Variants in PIGL observed in about 807,000 individuals in gnomAD.
PIGL encodes the protein N-acetylglucosaminyl-phosphatidylinositol de-N-acetylase.
In PIGL, 22 loss-of-function variants were observed where a neutral mutation model predicts 31.1. The observed-to-expected ratio is 0.71, with a 90% CI of 0.51 to 1.01. The LOEUF is 1.01. PIGL is among the 50% of genes least tolerant of loss of function. PIGL has a pLI of 0.00. For synonymous variants in PIGL, 131 were observed against 117.4 expected, an observed-to-expected ratio of 1.12 and a Z score of -0.75; for missense variants, 302 against 315.9, an observed-to-expected ratio of 0.96 and a Z score of 0.33.
chr17:16,262,278 C>A (rs1238415112), intron 2 of PIGL, among the ~76,000 whole-genome samples: 1 of 152,176 alleles, frequency 6.6e-6, no homozygotes, highest in African/African-American at 2.4e-5. Flanking sequence ...GTAGGCATTT[C>A]TCCAAAGAAG....
rs563825518 is a variant in PIGL, at chr17:16,286,290, G to T, written c.336-13598G>T. 4.6e-5 allele frequency among the ~76,000 whole-genome samples: 7 copies of T among 152,374 alleles called. No homozygotes were observed. In the East Asian group the frequency reaches 1.3e-3, roughly 29 times the overall value. The stretch of plus-strand genomic sequence containing the variant: ...CAACCCTGCTTGAGTTCCAGCAGCG[G>T]AGGCTGCGAAGTCTCCTGCTCTGAG... On this transcript the variant is annotated intron_variant, in intron 2 of 6. Transcript: ENST00000225609.
At chr17:16,316,053 G>A (rs1236096550) in intron 4 of PIGL, among the ~76,000 whole-genome samples, 2 of 152,020 alleles carry the variant, frequency 1.3e-5, no homozygotes, top group African/African-American at 2.4e-5. Flanking sequence ...CCATGAATTT[G>A]TCAATTGTCT....
intron 2 of PIGL, among the ~76,000 whole-genome samples, chr17:16,270,817 C>T (rs1272082103): frequency 1.3e-5 from 2 of 151,676 alleles, no homozygotes; most frequent in East Asian, 3.9e-4. Context: ...CACTTGAACC[C>T]GGGAGGCAGA....
At chr17:16,266,622 G>A (rs2142760106) in intron 2 of PIGL, among the ~76,000 whole-genome samples, 1 of 151,576 alleles carries the variant, frequency 6.6e-6, no homozygotes, top group East Asian at 2.0e-4. Flanking sequence ...CTAGACGGGA[G>A]TCTCGCTCTG....
rs1025151287 is a variant in PIGL, at chr17:16,326,032, C to A, written c.*134C>A. 8 of 649,400 alleles carry A rather than the reference C, an allele frequency of 1.2e-5. No individual in the cohort carries two copies. In the East Asian group the frequency reaches 2.2e-4, roughly 18 times the overall value. 40.2% of individuals were successfully genotyped at this position (649,400 alleles called of 1,614,324 possible). ...CTGGAGCAGCCTCTGCAAAAGGGAG[C>A]CCATGTAGGCCAGGGGCTGTCCAAA... On this transcript the variant is annotated 3_prime_UTR_variant, in exon 7 of 7. Transcript: ENST00000225609.
At chr17:16,291,126 T>C (rs2142817397) in intron 2 of PIGL, among the ~76,000 whole-genome samples, 1 of 152,354 alleles carries the variant, frequency 6.6e-6, no homozygotes, top group Admixed American at 6.5e-5. Flanking sequence ...TGCATTCTTT[T>C]ATATTCTCAG....
At chr17:16,280,061 A>C (rs1409513790) in intron 2 of PIGL, among the ~76,000 whole-genome samples, 1 of 152,246 alleles carries the variant, frequency 6.6e-6, no homozygotes, top group Non-Finnish European at 1.5e-5. Flanking sequence ...AAGCCCAGGC[A>C]CATGGACATG....
chr17:16,276,975 A>G (rs904428189), intron 2 of PIGL, among the ~76,000 whole-genome samples: 1 of 152,204 alleles, frequency 6.6e-6, no homozygotes, highest in African/African-American at 2.4e-5. Context: ...AATCTCAGAT[A>G]AGACTTTTTT....
intron 6 of PIGL, among the ~76,000 whole-genome samples, chr17:16,324,599 T>C (rs896416877): frequency 1.2e-4 from 19 of 152,148 alleles, no homozygotes; most frequent in Admixed American, 3.9e-4. Flanking sequence ...CTTCAGGTGA[T>C]CCACCCACCT....
chr17:16,223,434 G>A (rs547695856), intron 1 of PIGL, among the ~76,000 whole-genome samples: 4 of 151,524 alleles, frequency 2.6e-5, no homozygotes, highest in South Asian at 4.2e-4. Flanking sequence ...AAAATTAGCC[G>A]GGTGTGGTGG....
intron 2 of PIGL, among the ~76,000 whole-genome samples, chr17:16,250,890 C>T (rs1286728014): frequency 2.0e-5 from 3 of 152,156 alleles, no homozygotes; most frequent in Non-Finnish European, 4.4e-5. Context: ...CTATTTTCCA[C>T]CTACTCCATG....
rs184773428 is a variant in PIGL at position 16,253,311 on chromosome 17, A to G, written c.335+19241A>G. Among the ~76,000 whole-genome samples the G allele has an allele frequency of 3.2e-4, 48 of 152,230 alleles. 1 individual carries two copies. The highest frequency in any genetic ancestry group is 6.8e-3 in the Middle Eastern group (2 of 294). ...AACGTAAAACAAACAAGATCCCTCC[A>G]ATTAAAACCCATGCCTATTAAAGTG... On this transcript the variant is annotated intron_variant, in intron 2 of 6. Coordinates refer to ENST00000225609, the MANE Select transcript of PIGL (RefSeq NM_004278.4).
intron 2 of PIGL, among the ~76,000 whole-genome samples, chr17:16,279,445 T>G (rs1394040631): frequency 6.6e-6 from 1 of 152,218 alleles, no homozygotes; most frequent in Non-Finnish European, 1.5e-5. Context: ...AATAAAGAGA[T>G]ATTTTGCCTG....
At chr17:16,276,061 A>T (rs1486616363) in intron 2 of PIGL, among the ~76,000 whole-genome samples, 2 of 152,178 alleles carry the variant, frequency 1.3e-5, no homozygotes, top group African/African-American at 4.8e-5. Context: ...GGTGAGGGCC[A>T]TTTATAACTC....
chr17:16,224,946 G>A (rs188746467), intron 1 of PIGL, among the ~76,000 whole-genome samples: 1 of 152,334 alleles, frequency 6.6e-6, no homozygotes, highest in African/African-American at 2.4e-5. Context: ...GTGAGCCACA[G>A]TGCGTGGCCC....
intron 3 of PIGL, among the ~76,000 whole-genome samples, chr17:16,310,834 C>T (rs1337952408): frequency 2.0e-5 from 3 of 152,162 alleles, no homozygotes; most frequent in East Asian, 1.9e-4. Flanking sequence ...CAGCGTAGCA[C>T]GCCTTCTCAC....
At chr17:16,318,445 A>G (rs1452523615) in intron 6 of PIGL, among the ~76,000 whole-genome samples, 2 of 151,674 alleles carry the variant, frequency 1.3e-5, no homozygotes, top group Admixed American at 6.6e-5. Flanking sequence ...AATTTTTTGT[A>G]TTTTTAGTAG....
chr17:16,284,490 A>G (rs113091955), intron 2 of PIGL, among the ~76,000 whole-genome samples: 91 of 152,276 alleles, frequency 6.0e-4, no homozygotes, highest in African/African-American at 2.1e-3. Context: ...ATTAAACATT[A>G]TATTTTAGGA....
intron 2 of PIGL, among the ~76,000 whole-genome samples, chr17:16,292,756 C>T (rs986162171): frequency 3.9e-5 from 6 of 152,120 alleles, no homozygotes; most frequent in South Asian, 2.1e-4. Flanking sequence ...TATCTGGGAC[C>T]GTGTGATGGC....
Sources: gnomAD v4.1 joint callset for allele counts (sites outside exome capture counted in the v4.1 genomes callset) on GRCh38, gnomAD v4.1.1 for gene constraint, MANE v1.5 for transcripts, NCBI Gene and HGNC (gene_info 2026-07-23, HGNC 2026-07-21) for gene names.